The following TMTC2 variants were observed in gnomAD, a reference collection of about 807,000 sequenced individuals.
TMTC2 encodes protein O-mannosyl-transferase TMTC2.
A neutral mutation model predicts 82.4 loss-of-function variants in TMTC2; 43 were observed. That is an observed-to-expected ratio of 0.52 (90% confidence interval 0.41 to 0.67). The LOEUF is 0.67. Among genes scored for constraint, TMTC2 ranks in the 30% least tolerant of loss-of-function variants. The pLI, the probability that TMTC2 is intolerant of heterozygous loss-of-function variation, is 0.00. For synonymous variants in TMTC2, 408 were observed against 381.9 expected (o/e 1.07, Z -0.80); for missense variants, 919 against 1,012.4 (o/e 0.91, Z 1.25).
At chr12:82,889,732 A>G (rs192039659) in intron 2 of TMTC2, among the ~76,000 whole-genome samples, 81 of 152,236 alleles carry the variant, frequency 5.3e-4, no homozygotes, top group African/African-American at 1.7e-3. Context: ...TTATAGAATG[A>G]TTTGGTTCAC....
At chr12:82,730,344 C>T (rs1458193436) in intron 1 of TMTC2, among the ~76,000 whole-genome samples, 3 of 149,646 alleles carry the variant, frequency 2.0e-5, no homozygotes, top group African/African-American at 7.3e-5. Context: ...CACTCCCTAT[C>T]TTATATAAAA....
At chr12:82,910,369 C>T (rs541323410) in intron 3 of TMTC2, among the ~76,000 whole-genome samples, 5 of 152,144 alleles carry the variant, frequency 3.3e-5, no homozygotes, top group African/African-American at 4.8e-5. Context: ...GGGGAACATA[C>T]GGACAGGCAG....
intron 1 of TMTC2, among the ~76,000 whole-genome samples, chr12:82,763,363 AG>A (rs1876758562): frequency 6.6e-6 from 1 of 152,192 alleles, no homozygotes; most frequent in Non-Finnish European, 1.5e-5. Context: ...CTGTACTGAA[AG>A]GTCACTTAGG....
chr12:82,783,217 C>T (rs908792211), intron 1 of TMTC2, among the ~76,000 whole-genome samples: 1 of 149,994 alleles, frequency 6.7e-6, no homozygotes, highest in African/African-American at 2.5e-5. Flanking sequence ...AGAAGATAAA[C>T]CTATTTTTGT....
rs1885326854 is a variant in TMTC2 at position 83,133,405 on chromosome 12, A to G, written c.*1016A>G. 1 of 152,222 alleles carries G rather than the reference A, an allele frequency of 6.6e-6. No individual in the cohort carries two copies. The highest frequency in any genetic ancestry group is 1.5e-5 in the Non-Finnish European group (1 of 68,036). The allele number at this position is 152,222 out of a possible 1,614,324, so 9.4% of individuals were successfully genotyped here. A position where few individuals can be genotyped will look rare whatever the true frequency, so the allele number is the denominator to read the frequency against. ...AGTGATTTTGTGTTTTGGAAAGGGT[A>G]GGTATCGAATGTTAATCACTTTCTA... On this transcript the variant is annotated 3_prime_UTR_variant, in exon 12 of 12. Transcript: ENST00000321196.
intron 1 of TMTC2, among the ~76,000 whole-genome samples, chr12:82,776,339 A>G (rs1877594534): frequency 6.6e-6 from 1 of 152,102 alleles, no homozygotes; most frequent in African/African-American, 2.4e-5. Context: ...GTCCCCAGGG[A>G]ATGGCAGACA....
intron 1 of TMTC2, among the ~76,000 whole-genome samples, chr12:82,797,645 T>C (rs994503006): frequency 6.6e-6 from 1 of 152,120 alleles, no homozygotes; most frequent in Non-Finnish European, 1.5e-5. Context: ...AATTAGATGT[T>C]AAATCAATTT....
At chr12:82,741,127 T>C (rs1445647594) in intron 1 of TMTC2, among the ~76,000 whole-genome samples, 1 of 152,230 alleles carries the variant, frequency 6.6e-6, no homozygotes, top group Non-Finnish European at 1.5e-5. Flanking sequence ...CTGACACTCA[T>C]CTCCTGAGGC....
chr12:82,822,242 G>A (rs983704144), intron 1 of TMTC2, among the ~76,000 whole-genome samples: 1 of 152,170 alleles, frequency 6.6e-6, no homozygotes, highest in Non-Finnish European at 1.5e-5. Flanking sequence ...GGATACATTT[G>A]CCCAAATCCA....
chr12:83,091,523 C>CA (rs1883848521), intron 11 of TMTC2, among the ~76,000 whole-genome samples: 1 of 152,168 alleles, frequency 6.6e-6, no homozygotes, highest in African/African-American at 2.4e-5. Flanking sequence ...CTCACTGGCA[C>CA]AATTGCTGAA....
chr12:82,866,553 A>G (rs573079350), intron 2 of TMTC2, among the ~76,000 whole-genome samples: 2 of 152,310 alleles, frequency 1.3e-5, no homozygotes, highest in South Asian at 4.1e-4. Context: ...TGCTATTCTC[A>G]TAACACTGTG....
chr12:83,047,604 T>C (rs1882189845), intron 9 of TMTC2, among the ~76,000 whole-genome samples: 1 of 152,158 alleles, frequency 6.6e-6, no homozygotes, highest in Non-Finnish European at 1.5e-5. Flanking sequence ...TAGAGGAAAA[T>C]ATCCAGATAT....
At chr12:82,937,731 T>TGTGTGTGTGG (rs1379519277) in intron 4 of TMTC2, among the ~76,000 whole-genome samples, 2 of 19,296 alleles carry the variant, frequency 1.0e-4, no homozygotes, top group African/African-American at 1.8e-4. Context: ...TGTGTGTGGA[T>TGTGTGTGTGG]GTGTGTGTGT....
chr12:82,713,407 T>C (rs1158430600), intron 1 of TMTC2, among the ~76,000 whole-genome samples: 1 of 152,022 alleles, frequency 6.6e-6, no homozygotes, highest in African/African-American at 2.4e-5. Context: ...TCTGTTTTCA[T>C]GTTGCTGATA....
rs11115543 is a variant in TMTC2, at chr12:83,025,512, G to A, written c.2071-5286G>A. Among the ~76,000 whole-genome samples, 96 of 151,990 alleles carry A rather than the reference G, an allele frequency of 6.3e-4. 2 individuals carry two copies. Among genetic ancestry groups the A allele is most frequent in the African/African-American group, 2.1e-3 (87 of 41,414 alleles). On this transcript the variant is annotated intron_variant, in intron 8 of 11. Transcript: ENST00000321196. ...ACACAAGTGTCATTGCGGGAATTCC[G>A]CACAAACCAATCATCAAAGTTACCA...
chr12:82,980,460 A>C (rs2047225480), intron 7 of TMTC2, among the ~76,000 whole-genome samples: 1 of 151,810 alleles, frequency 6.6e-6, no homozygotes, highest in Admixed American at 6.6e-5. Flanking sequence ...GAAATTAGGT[A>C]GATTAAGATA....
chr12:82,918,700 T>C (rs1302900708), intron 3 of TMTC2, among the ~76,000 whole-genome samples: 3 of 147,532 alleles, frequency 2.0e-5, no homozygotes, highest in Non-Finnish European at 4.4e-5. Context: ...TTTTATTTTA[T>C]CTTTTTTCTT....
At chr12:82,704,791 A>G (rs540050971) in intron 1 of TMTC2, among the ~76,000 whole-genome samples, 10 of 151,854 alleles carry the variant, frequency 6.6e-5, no homozygotes, top group African/African-American at 2.2e-4. Context: ...TTAGTATTAG[A>G]AAAAAAAGGA....
chr12:82,749,033 G>T (rs996741898), intron 1 of TMTC2, among the ~76,000 whole-genome samples: 1 of 152,204 alleles, frequency 6.6e-6, no homozygotes, highest in African/African-American at 2.4e-5. Flanking sequence ...GTAGTTAAAT[G>T]ATATGTTCAG....
Sources: allele counts gnomAD v4.1 joint callset (sites outside exome capture counted in the v4.1 genomes callset), GRCh38; gene constraint gnomAD v4.1.1; transcripts MANE v1.5; gene names NCBI Gene and HGNC (gene_info 2026-07-23, HGNC 2026-07-21).